RAPGEF2: variants seen among roughly 807,000 people sequenced by gnomAD.
RAPGEF2 encodes Rap guanine nucleotide exchange factor 2, also known as PDZ domain containing guanine nucleotide exchange factor (GEF) 1.
A neutral mutation model predicts 186.7 loss-of-function variants in RAPGEF2; 54 were observed. The observed-to-expected ratio is 0.29, with a 90% CI of 0.23 to 0.36. The LOEUF is 0.36. RAPGEF2 is among the 10% of genes least tolerant of loss of function. The pLI, the probability that RAPGEF2 is intolerant of heterozygous loss-of-function variation, is 1.00. For synonymous variants in RAPGEF2, 712 were observed against 705.9 expected (o/e 1.01, Z -0.14); for missense variants, 1,532 against 2,045.0 (o/e 0.75, Z 4.84).
intron 1 of RAPGEF2, among the ~76,000 whole-genome samples, chr4:159,150,254 C>A (rs112268950): frequency 5.6e-4 from 85 of 152,166 alleles, no homozygotes; most frequent in African/African-American, 1.9e-3. Context: ...CTAGGAAATA[C>A]GGGGTTAAGT....
chr4:159,175,468 G>C (rs1746363430), intron 1 of RAPGEF2, among the ~76,000 whole-genome samples: 1 of 152,088 alleles, frequency 6.6e-6, no homozygotes, highest in African/African-American at 2.4e-5. Context: ...AAAGATCTGG[G>C]GAGGCTGTTT....
chr4:159,325,031 G>A (rs373277051), intron 11 of RAPGEF2, among the ~76,000 whole-genome samples: 1 of 151,858 alleles, frequency 6.6e-6, no homozygotes, highest in Non-Finnish European at 1.5e-5. Flanking sequence ...TACAGTGTCC[G>A]GTCAATGTAA....
At chr4:159,269,582 A>G (rs1231569395) in intron 7 of RAPGEF2, among the ~76,000 whole-genome samples, 2 of 152,208 alleles carry the variant, frequency 1.3e-5, no homozygotes, top group Admixed American at 6.5e-5. Flanking sequence ...TAGTTCAGCT[A>G]TGCTTGAGGA....
rs1322830242 is a variant in RAPGEF2, at chr4:159,130,619, A to G, written c.69+26388A>G. On this transcript the variant is annotated intron_variant, in intron 1 of 29. Coordinates refer to ENST00000691494, the MANE Select transcript of RAPGEF2 (RefSeq NM_001394067.2). ...AAATTAAAAATTTTTAAACAATTAG[A>G]GTTAGTAGAGTAGGACTGGAAGGGC... is the stretch of plus-strand genomic sequence containing the variant. Among the ~76,000 whole-genome samples, 4 of 152,214 alleles carry G rather than the reference A, an allele frequency of 2.6e-5. No individual in the cohort carries two copies. In the East Asian group the frequency reaches 7.7e-4, roughly 29 times the overall value.
At chr4:159,278,142 C>T (rs985253730) in intron 7 of RAPGEF2, among the ~76,000 whole-genome samples, 6 of 152,144 alleles carry the variant, frequency 3.9e-5, no homozygotes, top group Non-Finnish European at 8.8e-5. Context: ...GGAAGGGATC[C>T]AGTTTCAGTT....
chr4:159,138,245 T>C (rs920629051), intron 1 of RAPGEF2, among the ~76,000 whole-genome samples: 1 of 152,142 alleles, frequency 6.6e-6, no homozygotes, highest in Admixed American at 6.5e-5. Flanking sequence ...CACACACATA[T>C]GCATATAAGA....
At chr4:159,254,831 C>T (rs1461348846) in intron 7 of RAPGEF2, among the ~76,000 whole-genome samples, 1 of 152,086 alleles carries the variant, frequency 6.6e-6, no homozygotes, top group Non-Finnish European at 1.5e-5. Flanking sequence ...GAACTCTTAA[C>T]CTCAGGTGAT....
intron 1 of RAPGEF2, among the ~76,000 whole-genome samples, chr4:159,171,369 A>T (rs1186383973): frequency 6.6e-6 from 1 of 152,190 alleles, no homozygotes; most frequent in African/African-American, 2.4e-5. Context: ...AAAATCTTAG[A>T]TACTCTTATT....
Position 159,358,586 on chromosome 4 carries a change from G to T in RAPGEF2, c.*447G>T, listed in dbSNP as rs980693464. On this transcript the variant is annotated 3_prime_UTR_variant, in exon 30 of 30. Transcript: ENST00000691494. ...AAAGCTAGCCATTGAACTACTTGGG[G>T]CCTTTAACCCACCAAGGAAGACAAA... 2 of 160,718 alleles carry T rather than the reference G, an allele frequency of 1.2e-5. No individual in the cohort carries two copies. Among genetic ancestry groups the T allele is most frequent in the Admixed American group, 6.4e-5 (1 of 15,514 alleles). 10.0% of individuals were successfully genotyped at this position (160,718 alleles called of 1,614,324 possible). A position where few individuals can be genotyped will look rare whatever the true frequency, so the allele number is the denominator to read the frequency against.
At chr4:159,276,846 C>CA (rs142123813) in intron 7 of RAPGEF2, among the ~76,000 whole-genome samples, 53,031 of 147,302 alleles carry the variant, frequency 0.36, 9,561 homozygotes, top group Non-Finnish European at 0.4. Context: ...GAAGTTTTTT[C>CA]AAAAAAAAAA....
chr4:159,246,767 A>T (rs1307881538), intron 7 of RAPGEF2, among the ~76,000 whole-genome samples: 1 of 152,094 alleles, frequency 6.6e-6, no homozygotes, highest in Non-Finnish European at 1.5e-5. Context: ...TTTATCATTT[A>T]TTATTTATTC....
At chr4:159,223,289 A>C (rs1225683350) in intron 4 of RAPGEF2, among the ~76,000 whole-genome samples, 1 of 152,136 alleles carries the variant, frequency 6.6e-6, no homozygotes, top group African/African-American at 2.4e-5. Context: ...GTATTTAGAG[A>C]GCTACACGAA....
chr4:159,356,917 A>T (rs1171747017), intron 29 of RAPGEF2, among the ~76,000 whole-genome samples: 1 of 152,194 alleles, frequency 6.6e-6, no homozygotes, highest in Non-Finnish European at 1.5e-5. Context: ...AGGAAAAGAA[A>T]ATGAAAATTT....
At position 159,355,880 on chromosome 4, in the gene RAPGEF2, C is replaced by CGGCG; in HGVS notation, c.4679_4680insGGCG (p.Pro1561AlafsTer15). Reference sequence around the variant, plus strand: ...CGAAAGGAGGGCAGGTATCGAGAGCCCCCGCCCACCCCTCCCGGCTACATT... The same window carrying CGGCG: ...CGAAAGGAGGGCAGGTATCGAGAGCCGGCGCCCGCCCACCCCTCCCGGCTACATT... On this transcript the variant is annotated frameshift_variant, in exon 29 of 30. Coordinates refer to ENST00000691494, the MANE Select transcript of RAPGEF2 (RefSeq NM_001394067.2). LOFTEE classifies it high-confidence loss of function. 1.3e-6 allele frequency: 2 copies of CGGCG among 1,526,966 alleles called. No homozygotes were observed. The highest frequency in any genetic ancestry group is 8.9e-7 in the Non-Finnish European group (1 of 1,126,508). 94.6% of individuals were successfully genotyped at this position (1,526,966 alleles called of 1,614,324 possible). A position where few individuals can be genotyped will look rare whatever the true frequency, so the allele number is the denominator to read the frequency against.
intron 7 of RAPGEF2, among the ~76,000 whole-genome samples, chr4:159,282,308 T>C (rs375645019): frequency 1.3e-5 from 2 of 152,230 alleles, no homozygotes; most frequent in African/African-American, 4.8e-5. Context: ...TCTTTACACA[T>C]TGATGCTGGT....
intron 3 of RAPGEF2, among the ~76,000 whole-genome samples, chr4:159,202,613 G>GT (rs1174447143): frequency 3.3e-5 from 5 of 151,636 alleles, no homozygotes; most frequent in South Asian, 2.1e-4. Context: ...TTCTTTCTTC[G>GT]TTTTTTTGGC....
At chr4:159,313,023 C>T (rs1764128181) in intron 8 of RAPGEF2, among the ~76,000 whole-genome samples, 1 of 152,078 alleles carries the variant, frequency 6.6e-6, no homozygotes, top group African/African-American at 2.4e-5. Context: ...TGGTGCACAC[C>T]TGTAGTCCCA....
At chr4:159,310,061 T>G (rs531030822) in intron 8 of RAPGEF2, among the ~76,000 whole-genome samples, 2 of 151,716 alleles carry the variant, frequency 1.3e-5, no homozygotes, top group African/African-American at 4.9e-5. Flanking sequence ...TATAACTGAT[T>G]TACACAAATA....
intron 11 of RAPGEF2, chr4:159,329,013 C>T (rs1425877013): frequency 2.0e-5 from 3 of 152,052 alleles, no homozygotes; most frequent in Non-Finnish European, 4.4e-5. Flanking sequence ...TAACCACCTC[C>T]TTTTTCATCT....
Sources: allele counts gnomAD v4.1 joint callset (sites outside exome capture counted in the v4.1 genomes callset), GRCh38; gene constraint gnomAD v4.1.1; transcripts MANE v1.5; gene names NCBI Gene and HGNC (gene_info 2026-07-23, HGNC 2026-07-21).